Variants in YWHAE observed in about 807,000 individuals in gnomAD.
YWHAE encodes the protein 14-3-3 protein epsilon.
YWHAE carries 4 observed loss-of-function variants against 30.1 expected under a neutral mutation model. The ratio of observed to expected loss-of-function variants is 0.13; its 90% CI spans 0.07 to 0.30. YWHAE has a LOEUF of 0.30. YWHAE is among the 10% of genes least tolerant of loss of function. The probability of loss-of-function intolerance (pLI) is 1.00; values close to 1 mark genes in which losing one functional copy is unlikely to be tolerated. For missense variants in YWHAE, 121 were observed against 315.9 expected, an observed-to-expected ratio of 0.38 and a Z score of 4.68; for synonymous variants, 118 against 111.8, an observed-to-expected ratio of 1.06 and a Z score of -0.35.
At chr17:1,392,077 G>A (rs1192967099) in intron 1 of YWHAE, among the ~76,000 whole-genome samples, 1 of 150,164 alleles carries the variant, frequency 6.7e-6, no homozygotes, top group Non-Finnish European at 1.5e-5. Context: ...GTATACTTCT[G>A]TAGCCCCAGC....
At chr17:1,386,843 A>G (rs1474796880) in intron 1 of YWHAE, among the ~76,000 whole-genome samples, 2 of 152,098 alleles carry the variant, frequency 1.3e-5, no homozygotes, top group African/African-American at 4.8e-5. Flanking sequence ...AATCCCAGCT[A>G]CTCAGGAGGC....
intron 1 of YWHAE, among the ~76,000 whole-genome samples, chr17:1,395,119 G>A (rs1353980907): frequency 6.6e-6 from 1 of 151,550 alleles, no homozygotes; most frequent in Non-Finnish European, 1.5e-5. Flanking sequence ...CAGGCCGGGT[G>A]TGGTGGCTCA....
intron 5 of YWHAE, among the ~76,000 whole-genome samples, chr17:1,347,515 A>C (rs1297781300): frequency 2.0e-5 from 3 of 152,190 alleles, no homozygotes; most frequent in African/African-American, 7.2e-5. Context: ...AACTACTTAA[A>C]ATACATGAAG....
Position 1,381,312 on chromosome 17 carries a change from C to T in YWHAE, c.65-16254G>A, listed in dbSNP as rs897815455. Among the ~76,000 whole-genome samples the T allele has an allele frequency of 4.6e-5, 7 of 151,852 alleles. No homozygotes were observed. In the South Asian group the frequency reaches 8.3e-4, roughly 18 times the overall value. On this transcript the variant is annotated intron_variant, in intron 1 of 5. Coordinates refer to ENST00000264335, the MANE Select transcript of YWHAE (RefSeq NM_006761.5). ...GGTGACTCACCTGAGGTCAGGAGTT[C>T]GAGACCAGCCTGACCAACATGGAGA...
At chr17:1,346,255 G>A (rs540751544) in intron 5 of YWHAE, among the ~76,000 whole-genome samples, 1 of 152,252 alleles carries the variant, frequency 6.6e-6, no homozygotes, top group South Asian at 2.1e-4. Flanking sequence ...CTATTAGTAT[G>A]CATTAAACAA....
chr17:1,357,349 G>C (rs1485493471), intron 4 of YWHAE, among the ~76,000 whole-genome samples: 1 of 147,816 alleles, frequency 6.8e-6, no homozygotes, highest in African/African-American at 2.5e-5. Context: ...CTTGCAGTGA[G>C]CCGAGATCGC....
At position 1,345,346 on chromosome 17, in the gene YWHAE, A is replaced by G. The variant is rs2072498137; in HGVS notation, c.*101T>C. The G allele has an allele frequency of 8.1e-7, 1 of 1,238,526 alleles. No homozygotes were observed. Among genetic ancestry groups the G allele is most frequent in the South Asian group, 1.3e-5 (1 of 77,432 alleles). The allele number at this position is 1,238,526 out of a possible 1,614,324, so 76.7% of individuals were successfully genotyped here. A position where few individuals can be genotyped will look rare whatever the true frequency, so the allele number is the denominator to read the frequency against. On this transcript the variant is annotated 3_prime_UTR_variant, in exon 6 of 6. Coordinates refer to ENST00000264335, the MANE Select transcript of YWHAE (RefSeq NM_006761.5). ...AACCTAAATTCTGAGACCAAATGTAAAAGTCAGATTTGGTGGTTCTCAGTG... is the reference window on the plus strand; with the variant it reads ...AACCTAAATTCTGAGACCAAATGTAGAAGTCAGATTTGGTGGTTCTCAGTG...
At chr17:1,348,492 T>A (rs536031934) in intron 5 of YWHAE, among the ~76,000 whole-genome samples, 3 of 152,108 alleles carry the variant, frequency 2.0e-5, no homozygotes, top group Admixed American at 6.6e-5. Flanking sequence ...AACAAAAAAA[T>A]CTAAATAATC....
chr17:1,370,383 G>C (rs562561871), intron 1 of YWHAE, among the ~76,000 whole-genome samples: 4 of 151,670 alleles, frequency 2.6e-5, no homozygotes, highest in Non-Finnish European at 4.4e-5. Context: ...CGCCCGCCTT[G>C]GCCTCCCAAA....
At chr17:1,389,511 A>G (rs1302909887) in intron 1 of YWHAE, among the ~76,000 whole-genome samples, 2 of 152,020 alleles carry the variant, frequency 1.3e-5, no homozygotes, top group South Asian at 4.1e-4. Flanking sequence ...GCGAACATTT[A>G]ACAATGATTT....
intron 1 of YWHAE, among the ~76,000 whole-genome samples, chr17:1,380,391 G>A (rs1045085941): frequency 9.2e-5 from 14 of 152,014 alleles, no homozygotes; most frequent in Admixed American, 8.5e-4. Flanking sequence ...GAGCCACCGC[G>A]CCCAGCCCAG....
chr17:1,384,523 C>T (rs1301356546), intron 1 of YWHAE, among the ~76,000 whole-genome samples: 1 of 96,966 alleles, frequency 1.0e-5, no homozygotes, highest in Non-Finnish European at 1.9e-5. Flanking sequence ...AACCCTGTCT[C>T]TACTAAAAAT....
At position 1,364,833 on chromosome 17, in the gene YWHAE, G is replaced by A. The variant is rs771888832; in HGVS notation, c.264+26C>T. On this transcript the variant is annotated intron_variant, in intron 2 of 5. Coordinates refer to ENST00000264335, the MANE Select transcript of YWHAE (RefSeq NM_006761.5). ...ACAGGTAACTCAAACTGTGGATAAG[G>A]GGGGATGATGGCACAACAATCTCAC... The A allele has an allele frequency of 6.8e-6, 11 of 1,613,770 alleles. No individual in the cohort carries two copies. The African/African-American group carries it at 1.5e-4, about 22-fold the overall frequency.
intron 1 of YWHAE, among the ~76,000 whole-genome samples, chr17:1,374,341 C>A (rs996631282): frequency 6.6e-6 from 1 of 151,578 alleles, no homozygotes; most frequent in Non-Finnish European, 1.5e-5. Context: ...AAAATCCATT[C>A]GTTAGTTAAT....
intron 2 of YWHAE, among the ~76,000 whole-genome samples, chr17:1,362,218 A>C (rs7219417): frequency 6.6e-6 from 1 of 151,966 alleles, no homozygotes; most frequent in African/African-American, 2.4e-5. Context: ...CATGCTGCCT[A>C]TTGTTACACA....
rs1346857636 is a variant in YWHAE, at chr17:1,377,389, A to G, written c.65-12331T>C. On this transcript the variant is annotated intron_variant, in intron 1 of 5. Transcript: ENST00000264335. ...TCACAGAAACAAATTCCTTAGCCCAAGAACAGTAAAAGCAATCACACCAAG... is the reference window on the plus strand; with the variant it reads ...TCACAGAAACAAATTCCTTAGCCCAGGAACAGTAAAAGCAATCACACCAAG... Among the ~76,000 whole-genome samples, 4 of 152,190 alleles carry G rather than the reference A, an allele frequency of 2.6e-5. No individual in the cohort carries two copies. The East Asian group carries it at 7.7e-4, about 29-fold the overall frequency.
intron 1 of YWHAE, among the ~76,000 whole-genome samples, chr17:1,375,583 G>A (rs1002545080): frequency 1.3e-5 from 2 of 152,046 alleles, no homozygotes; most frequent in East Asian, 3.9e-4. Context: ...CGAATTTCTG[G>A]GACTTTTCAT....
rs189587338 is a variant in YWHAE at position 1,376,220 on chromosome 17, G to C, written c.65-11162C>G. 1.4e-3 allele frequency among the ~76,000 whole-genome samples: 216 copies of C among 152,250 alleles called. 1 individual carries two copies. The highest frequency in any genetic ancestry group is 2.7e-3 in the Non-Finnish European group (182 of 68,022). ...CCTTTTGTTTGCTTCTGTGACAATA[G>C]AGGGGAAATAACTGGTTTCAGTGAC... On this transcript the variant is annotated intron_variant, in intron 1 of 5. Transcript: ENST00000264335.
intron 1 of YWHAE, among the ~76,000 whole-genome samples, chr17:1,398,268 A>C (rs1016996457): frequency 1.3e-5 from 2 of 151,972 alleles, no homozygotes. Flanking sequence ...GCACATTCAT[A>C]TCTCTTTGAT....
Sources: gnomAD v4.1 joint callset for allele counts (sites outside exome capture counted in the v4.1 genomes callset) on GRCh38, gnomAD v4.1.1 for gene constraint, MANE v1.5 for transcripts, NCBI Gene and HGNC (gene_info 2026-07-23, HGNC 2026-07-21) for gene names.